DDX3X: variants seen among roughly 807,000 people sequenced by gnomAD.
The protein encoded by DDX3X is DEAD-box helicase 3 X-linked, also known as ATP-dependent RNA helicase DDX3X.
In DDX3X, 4 loss-of-function variants were observed where a neutral mutation model predicts 52.7. That is an observed-to-expected ratio of 0.08 (90% CI 0.04 to 0.17). DDX3X has a LOEUF of 0.17. DDX3X is among the 10% of genes least tolerant of loss of function. The pLI, the probability that DDX3X is intolerant of heterozygous loss-of-function variation, is 1.00. For synonymous variants in DDX3X, 192 were observed against 178.1 expected (o/e 1.08, Z -0.62); for missense variants, 222 against 548.6 (o/e 0.40, Z 5.95).
rs1301463504 is a variant in DDX3X, at chrX:41,342,529, A to G, written c.319A>G (p.Ile107Val). The G allele has an allele frequency of 8.3e-7, 1 of 1,210,040 alleles. No homozygotes were observed. The highest frequency in any genetic ancestry group is 1.1e-6 in the Non-Finnish European group (1 of 895,261). The change falls in exon 5 of 17, where the codon ATT (isoleucine) becomes GTT (valine). Residue 107 changes from isoleucine to valine, a missense_variant. Coordinates refer to ENST00000644876, the MANE Select transcript of DDX3X (RefSeq NM_001356.5). ...TCGTGGACGGAGTGATTACGATGGC[A>G]TTGGCAGCCGTGGTGACAGAAGTGG... The part of the protein sequence containing the change: ...DDRGRSDYDG[I>V]GSRGDRSGFG...
At chrX:41,356,934 T>C (rs1327742185) in intron 5 of DDX3X, among the ~76,000 whole-genome samples, 1 of 91,000 alleles carries the variant, frequency 1.1e-5, no homozygotes, top group Non-Finnish European at 2.2e-5. Context: ...TAATTCTTTT[T>C]TTTTTTTTTT....
At chrX:41,356,902 C>CCATTCCTG (rs1482805442) in intron 5 of DDX3X, among the ~76,000 whole-genome samples, 9 of 107,866 alleles carry the variant, frequency 8.3e-5, no homozygotes, top group Admixed American at 1.0e-4. Flanking sequence ...TATCCTTCCA[C>CCATTCCTG]CATTCCTGCA....
chrX:41,356,250 G>C (rs1254148335), intron 5 of DDX3X, among the ~76,000 whole-genome samples: 1 of 100,892 alleles, frequency 9.9e-6, no homozygotes, highest in African/African-American at 3.7e-5. Flanking sequence ...AGCCATTCTC[G>C]TGCCTCAGCC....
In DDX3X at chrX:41,361,993, A is replaced by G. The variant is rs751898942; in HGVS notation, c.655-2281A>G. ...AAGTCATTCCTTTTTTCTTTCTCTC[A>G]TACCACTTGTCATTGAATTTCCTAA... On this transcript the variant is annotated intron_variant, in intron 5 of 5. Transcript: ENST00000616050. 2.2e-4 allele frequency among the ~76,000 whole-genome samples: 24 copies of G among 108,993 alleles called. No homozygotes were observed. The Admixed American group carries it at 2.4e-3, about 11-fold the overall frequency. 94.6% of individuals were successfully genotyped at this position (108,993 alleles called of 115,157 possible).
intron 1 of DDX3X, chrX:41,334,499 A>C: frequency 9.1e-7 from 1 of 1,096,247 alleles, no homozygotes; most frequent in Non-Finnish European, 1.2e-6. Flanking sequence ...GGCCCGCTGT[A>C]TTGTCCCCGG....
chrX:41,343,430 G>T, intron 7 of DDX3X, 79 bp downstream of exon 7: 6 of 969,461 alleles, frequency 6.2e-6, no homozygotes, highest in Non-Finnish European at 8.3e-6. Context: ...TTTTTTATGG[G>T]TCATGCAGTT....
rs1476621875 is a variant in DDX3X, at chrX:41,349,234, TTAGTC to T, written c.*1519_*1523del. ...GTCATTTGTTATGGTGCTATTTCAATTAGTCTAGGTTTAGGCCCTTGTACATTTTG... is the reference window on the plus strand; with the variant it reads ...GTCATTTGTTATGGTGCTATTTCAATTAGGTTTAGGCCCTTGTACATTTTG... On this transcript the variant is annotated 3_prime_UTR_variant, in exon 17 of 17. Transcript: ENST00000644876. The T allele has an allele frequency of 8.9e-6, 1 of 112,667 alleles. No homozygotes were observed. The highest frequency in any genetic ancestry group is 9.5e-5 in the Admixed American group (1 of 10,513). 9.3% of individuals were successfully genotyped at this position (112,667 alleles called of 1,213,427 possible).
At chrX:41,351,793 C>G (rs1219908742), downstream of DDX3X, 4 of 109,498 alleles carry the variant, frequency 3.7e-5, no homozygotes, top group Non-Finnish European at 5.7e-5. Context: ...TTTTTTTCCT[C>G]TTAGTTTTCT....
downstream of DDX3X, chrX:41,351,288 AAATT>A (rs776287558): frequency 3.6e-5 from 4 of 112,061 alleles, no homozygotes; most frequent in Non-Finnish European, 5.6e-5. Context: ...ATGGTGACAT[AAATT>A]TAGTATGTTT....
At chrX:41,345,913 C>T (rs771121640) in intron 12 of DDX3X, 24 of 262,356 alleles carry the variant, frequency 9.1e-5, no homozygotes, top group Admixed American at 7.5e-4. Context: ...TGGTAATAAC[C>T]CATTTGGGCT....
chrX:41,340,794 C>T, intron 3 of DDX3X: 3 of 294,964 alleles, frequency 1.0e-5, no homozygotes, highest in Non-Finnish European at 5.9e-6. Flanking sequence ...AATACCACCT[C>T]CAAGAAACAT....
intron 6 of DDX3X, 104 bp from the exon 7 acceptor site, chrX:41,343,112 A>G: frequency 2.1e-6 from 2 of 963,426 alleles, no homozygotes; most frequent in South Asian, 2.2e-5. Context: ...TACTTAAACT[A>G]TAAACTGAGT....
chrX:41,334,069 AT>A (rs1484509685), upstream of DDX3X: 3 of 443,864 alleles, frequency 6.8e-6, no homozygotes, highest in Non-Finnish European at 1.2e-5. Flanking sequence ...GCGACAGGGA[AT>A]TGCGGTGTGA....
Position 41,348,829 on chromosome X carries a change from C to T in DDX3X, c.*1110C>T, listed in dbSNP as rs1252448891. ...AGATGTTAAACTGGCTTACTATAGA[C>T]TTCGTAAAAATGGCTCCAGAAGAGT... On this transcript the variant is annotated 3_prime_UTR_variant, in exon 17 of 17. Transcript: ENST00000644876. 3.6e-5 allele frequency: 4 copies of T among 112,525 alleles called. No homozygotes were observed. Among genetic ancestry groups the T allele is most frequent in the African/African-American group, 6.5e-5 (2 of 30,891 alleles). 9.3% of individuals were successfully genotyped at this position (112,525 alleles called of 1,213,427 possible).
Position 41,346,893 on chromosome X carries a change from A to G in DDX3X, c.1650A>G (p.Ile550Met). ...CCTCATTCTTTAACGAGAGGAACATAAATATTACTAAGGATTTGTTGGATC... is the reference window on the plus strand; with the variant it reads ...CCTCATTCTTTAACGAGAGGAACATGAATATTACTAAGGATTTGTTGGATC... ...LATSFFNERN[I>M]NITKDLLDLL... is the part of the protein sequence containing the mutation. The change falls in exon 15 of 17, where the codon ATA becomes ATG. Residue 550 changes from isoleucine to methionine, a missense_variant. Transcript: ENST00000644876. 1 of 1,210,199 alleles carries G rather than the reference A, an allele frequency of 8.3e-7. No individual in the cohort carries two copies. The highest frequency in any genetic ancestry group is 1.8e-5 in the South Asian group (1 of 56,871).
chrX:41,347,586 A>G (rs997903080), intron 16 of DDX3X, 54 bp from the exon 17 acceptor site: 3 of 1,132,350 alleles, frequency 2.6e-6, no homozygotes, highest in Non-Finnish European at 3.6e-6. Flanking sequence ...GAAGGATTGT[A>G]TTTAATGATG....
chrX:41,344,390 A>G lies in DDX3X; in HGVS notation c.1016A>G (p.Asp339Gly). ...ATGGAAAGAGGAAAGATTGGATTAG[A>G]CTTTTGCAAGTATGTTTTATTTTGT... is the stretch of plus-strand genomic sequence containing the variant. ...DMMERGKIGL[D>G]FCKYLVLDEA... The change falls in exon 10 of 17, where the codon GAC (aspartate) becomes GGC (glycine). Residue 339 changes from aspartate to glycine, a missense_variant. This residue lies in a region of DDX3X where 73 missense variants were observed against 301.4 expected (regional missense o/e 0.24). Transcript: ENST00000644876. The G allele has an allele frequency of 8.3e-7, 1 of 1,210,612 alleles. No homozygotes were observed. Among genetic ancestry groups the G allele is most frequent in the Non-Finnish European group, 1.1e-6 (1 of 894,823 alleles).
intron 3 of DDX3X, 130 bp downstream of exon 3, chrX:41,339,213 G>T: frequency 3.5e-6 from 1 of 284,955 alleles, no homozygotes; most frequent in South Asian, 1.1e-4. Flanking sequence ...TGTCAGCCTT[G>T]GTTCAAATAC....
chrX:41,351,135 A>G (rs921074139), downstream of DDX3X: 1 of 111,677 alleles, frequency 9.0e-6, no homozygotes, highest in Non-Finnish European at 1.9e-5. Context: ...TGGATAGTCA[A>G]TGGCTGAAAG....
Sources: allele counts gnomAD v4.1 joint callset (sites outside exome capture counted in the v4.1 genomes callset), GRCh38; gene constraint gnomAD v4.1.1; regional missense constraint gnomAD v4.1.1; transcripts MANE v1.5; gene names NCBI Gene and HGNC (gene_info 2026-07-23, HGNC 2026-07-21).